PRKN: variants seen among roughly 807,000 people sequenced by gnomAD.
The protein encoded by PRKN is parkin RBR E3 ubiquitin protein ligase.
PRKN carries 56 observed loss-of-function variants against 59.5 expected under a neutral mutation model. The observed-to-expected ratio is 0.94, with a 90% CI of 0.76 to 1.18. The LOEUF is 1.18. PRKN is among the 50% of genes most tolerant of loss of function. The pLI, the probability that PRKN is intolerant of heterozygous loss-of-function variation, is 0.00. For synonymous variants in PRKN, 250 were observed against 222.1 expected (o/e 1.13, Z -1.12); for missense variants, 657 against 596.4 (o/e 1.10, Z -1.06).
intron 1 of PRKN, among the ~76,000 whole-genome samples, chr6:162,616,171 C>T (rs980908168): frequency 6.6e-6 from 1 of 152,050 alleles, no homozygotes; most frequent in Non-Finnish European, 1.5e-5. Context: ...CCCATTTACC[C>T]ATATCCTCTG....
intron 9 of PRKN, among the ~76,000 whole-genome samples, chr6:161,511,651 C>G (rs898777590): frequency 7.9e-5 from 12 of 152,148 alleles, no homozygotes; most frequent in African/African-American, 2.9e-4. Context: ...ACCCAGCCCT[C>G]ATGACATGAG....
chr6:162,628,322 A>G (rs1330602369), intron 1 of PRKN, among the ~76,000 whole-genome samples: 2 of 152,180 alleles, frequency 1.3e-5, no homozygotes, highest in Non-Finnish European at 2.9e-5. Context: ...GATAGAAGCT[A>G]TAATTGTGAG....
intron 9 of PRKN, among the ~76,000 whole-genome samples, chr6:161,485,620 T>G (rs1017551440): frequency 6.6e-6 from 1 of 152,156 alleles, no homozygotes; most frequent in Non-Finnish European, 1.5e-5. Flanking sequence ...AGATGCAATA[T>G]GTATAAGAGA....
At chr6:161,736,468 A>G (rs1787968237) in intron 7 of PRKN, among the ~76,000 whole-genome samples, 1 of 152,204 alleles carries the variant, frequency 6.6e-6, no homozygotes, top group Non-Finnish European at 1.5e-5. Flanking sequence ...GCCCTGGATA[A>G]ACACTGTGAC....
chr6:162,466,964 C>A (rs1791445640), intron 1 of PRKN, among the ~76,000 whole-genome samples: 1 of 152,080 alleles, frequency 6.6e-6, no homozygotes, highest in Non-Finnish European at 1.5e-5. Context: ...TTATCCCCAA[C>A]TTCTAAAAGA....
intron 1 of PRKN, among the ~76,000 whole-genome samples, chr6:162,647,582 T>C (rs1778234720): frequency 6.6e-6 from 1 of 152,264 alleles, no homozygotes; most frequent in Admixed American, 6.5e-5. Context: ...ATTAATAATA[T>C]ATAGAAGCTA....
At chr6:162,280,068 C>T (rs1419137940) in intron 2 of PRKN, among the ~76,000 whole-genome samples, 1 of 152,076 alleles carries the variant, frequency 6.6e-6, no homozygotes, top group East Asian at 1.9e-4. Flanking sequence ...TGTGTCTCTG[C>T]ACATGGGAAG....
At chr6:162,566,144 G>A (rs1780068292) in intron 1 of PRKN, among the ~76,000 whole-genome samples, 1 of 152,010 alleles carries the variant, frequency 6.6e-6, no homozygotes, top group African/African-American at 2.4e-5. Context: ...AATAACTAGA[G>A]ACTTCAGTAC....
At chr6:162,182,910 GA>G (rs1279386842) in intron 4 of PRKN, among the ~76,000 whole-genome samples, 2 of 152,028 alleles carry the variant, frequency 1.3e-5, no homozygotes, top group Non-Finnish European at 2.9e-5. Context: ...AAAGTTTTGT[GA>G]AAACTGCTTT....
chr6:161,999,486 C>A (rs569990292), intron 5 of PRKN, among the ~76,000 whole-genome samples: 13 of 152,268 alleles, frequency 8.5e-5, no homozygotes, highest in South Asian at 6.2e-4. Context: ...GAATCCCCAT[C>A]TATGCATGAG....
intron 6 of PRKN, among the ~76,000 whole-genome samples, chr6:161,911,885 A>G (rs182703671): frequency 7.9e-5 from 12 of 152,216 alleles, no homozygotes; most frequent in Admixed American, 2.6e-4. Flanking sequence ...TCAAAAGTAT[A>G]AGAAACGATG....
chr6:161,804,424 A>G (rs1791221906), intron 6 of PRKN, among the ~76,000 whole-genome samples: 1 of 152,168 alleles, frequency 6.6e-6, no homozygotes, highest in South Asian at 2.1e-4. Flanking sequence ...GAGGAAGGCA[A>G]GGCTGGTGGC....
rs565189684 is a variant in PRKN at position 162,033,172 on chromosome 6, C to G, written c.618+20919G>C. ...ACAAGTGCTGACCATGGATCATATTCGAGTGTATCAGGGTCTAGGACAATG... is the reference window on the plus strand; with the variant it reads ...ACAAGTGCTGACCATGGATCATATTGGAGTGTATCAGGGTCTAGGACAATG... On this transcript the variant is annotated intron_variant, in intron 5 of 11. Transcript: ENST00000366898. 4.6e-5 allele frequency among the ~76,000 whole-genome samples: 7 copies of G among 152,198 alleles called. No homozygotes were observed. In the East Asian group the frequency reaches 1.4e-3, roughly 29 times the overall value.
chr6:161,559,920 G>A (rs1453034966), intron 8 of PRKN, among the ~76,000 whole-genome samples: 7 of 152,110 alleles, frequency 4.6e-5, no homozygotes, highest in Non-Finnish European at 5.9e-5. Flanking sequence ...AGCCTTTTGG[G>A]GTGAAAGCCG....
chr6:161,826,729 A>G (rs1792259603), intron 6 of PRKN, among the ~76,000 whole-genome samples: 1 of 152,234 alleles, frequency 6.6e-6, no homozygotes, highest in Non-Finnish European at 1.5e-5. Flanking sequence ...TCCCAAAGAC[A>G]TTAAATACAT....
intron 5 of PRKN, among the ~76,000 whole-genome samples, chr6:162,036,573 G>T (rs918685217): frequency 2.0e-5 from 3 of 151,484 alleles, no homozygotes; most frequent in African/African-American, 4.8e-5. Flanking sequence ...TAGAGACAGG[G>T]TTTCACCATG....
In PRKN at chr6:162,647,949, C is replaced by CAAAAAAAAAAAAA. The variant is rs398003250; in HGVS notation, c.7+79700_7+79712dup. Reference sequence around the variant, plus strand: ...GAACCATCTCTATATGTCCACAGTGCAAAAAAAAAAAAAAAAAAAAAAAAA... The same window carrying CAAAAAAAAAAAAA: ...GAACCATCTCTATATGTCCACAGTGCAAAAAAAAAAAAAAAAAAAAAAAAAAAAAAAAAAAAAA... On this transcript the variant is annotated intron_variant, in intron 1 of 11. Coordinates refer to ENST00000366898, the MANE Select transcript of PRKN (RefSeq NM_004562.3). Among the ~76,000 whole-genome samples the CAAAAAAAAAAAAA allele has an allele frequency of 2.1e-3, 160 of 75,626 alleles. 40 individuals carry two copies. The highest frequency in any genetic ancestry group is 2.7e-3 in the Non-Finnish European group (115 of 42,100). 49.6% of individuals were successfully genotyped at this position (75,626 alleles called of 152,430 possible).
chr6:162,138,154 A>C (rs1781625741), intron 4 of PRKN, among the ~76,000 whole-genome samples: 1 of 152,158 alleles, frequency 6.6e-6, no homozygotes, highest in African/African-American at 2.4e-5. Flanking sequence ...TTGCGGATAG[A>C]CTACCTTGAA....
chr6:162,392,813 C>G (rs1025550472), intron 2 of PRKN, among the ~76,000 whole-genome samples: 1 of 152,092 alleles, frequency 6.6e-6, no homozygotes, highest in Non-Finnish European at 1.5e-5. Context: ...GCAAGTTGCT[C>G]TTTATTTCTA....
Sources: allele counts gnomAD v4.1 joint callset (sites outside exome capture counted in the v4.1 genomes callset), GRCh38; gene constraint gnomAD v4.1.1; transcripts MANE v1.5; gene names NCBI Gene and HGNC (gene_info 2026-07-23, HGNC 2026-07-21).